The following CCSER1 variants were observed in gnomAD, a reference collection of about 807,000 sequenced individuals.
CCSER1 encodes the protein serine-rich coiled-coil domain-containing protein 1.
A neutral mutation model predicts 82.0 loss-of-function variants in CCSER1; 41 were observed. The observed-to-expected ratio is 0.50, with a 90% confidence interval of 0.39 to 0.65. The LOEUF is 0.65. Among genes scored for constraint, CCSER1 ranks in the 30% least tolerant of loss-of-function variants. CCSER1 has a pLI of 0.00. For missense variants in CCSER1, 1,119 were observed against 1,064.2 expected (o/e 1.05, Z -0.72); for synonymous variants, 414 against 383.9 (o/e 1.08, Z -0.92).
intron 10 of CCSER1, among the ~76,000 whole-genome samples, chr4:91,317,308 A>G (rs1419586940): frequency 1.3e-5 from 2 of 151,894 alleles, no homozygotes; most frequent in Non-Finnish European, 1.5e-5. Context: ...ACACATCCCT[A>G]TACTATAGGA....
chr4:90,197,436 C>A (rs1269051658), intron 1 of CCSER1, among the ~76,000 whole-genome samples: 4 of 152,086 alleles, frequency 2.6e-5, no homozygotes. Context: ...TGGGTATATA[C>A]CCCAAAGAAA....
At chr4:90,771,588 G>GAAAAA (rs1752181874) in intron 7 of CCSER1, among the ~76,000 whole-genome samples, 1 of 133,730 alleles carries the variant, frequency 7.5e-6, no homozygotes, top group Non-Finnish European at 1.6e-5. Flanking sequence ...AAAAAGAAAA[G>GAAAAA]AAAAAAATGC....
intron 7 of CCSER1, among the ~76,000 whole-genome samples, chr4:90,753,441 TAAGAG>T (rs1749027276): frequency 6.6e-6 from 1 of 152,082 alleles, no homozygotes; most frequent in Admixed American, 6.5e-5. Context: ...AAGCCAAAAA[TAAGAG>T]AGAGAGAGGA....
chr4:90,401,509 A>G (rs1234687006), intron 4 of CCSER1, among the ~76,000 whole-genome samples: 1 of 152,164 alleles, frequency 6.6e-6, no homozygotes, highest in African/African-American at 2.4e-5. Context: ...CTGCTATGGC[A>G]TTATTGTAAG....
At chr4:90,169,692 G>A (rs571724491) in intron 1 of CCSER1, among the ~76,000 whole-genome samples, 7 of 152,088 alleles carry the variant, frequency 4.6e-5, no homozygotes, top group African/African-American at 1.7e-4. Flanking sequence ...CACAAAAACG[G>A]TTTTATTGTG....
chr4:91,313,686 G>T (rs1221556801), intron 10 of CCSER1, among the ~76,000 whole-genome samples: 1 of 151,802 alleles, frequency 6.6e-6, no homozygotes, highest in East Asian at 1.9e-4. Context: ...TGCTTCTTGG[G>T]ATTCCACCTT....
intron 10 of CCSER1, among the ~76,000 whole-genome samples, chr4:91,097,335 G>GT (rs76699416): frequency 0.3 from 46,083 of 152,016 alleles, 8,097 homozygotes; most frequent in East Asian, 0.45. Context: ...GATTAAGGCT[G>GT]TTATTGGAAG....
At chr4:90,205,843 G>A (rs1327277447) in intron 1 of CCSER1, among the ~76,000 whole-genome samples, 2 of 151,950 alleles carry the variant, frequency 1.3e-5, no homozygotes, top group East Asian at 1.9e-4. Context: ...TTTTTTGGTT[G>A]GTAGGCTATT....
intron 10 of CCSER1, among the ~76,000 whole-genome samples, chr4:91,120,385 G>T (rs576082120): frequency 3.3e-5 from 5 of 151,996 alleles, no homozygotes; most frequent in African/African-American, 1.2e-4. Context: ...GATACTGAAA[G>T]ACAATGAGGT....
Position 90,309,004 on chromosome 4 carries a change from C to G in CCSER1, c.720C>G (p.Ser240Arg). Residue 240 changes from serine to arginine, a missense_variant, in exon 2 of 11, where the codon AGC becomes AGG. Transcript: ENST00000509176. ...TGGATGTAACAGAACGGGCAGGAAG[C>G]TCTTTACAATCTCCTTTGCTTTCTG... is the stretch of plus-strand genomic sequence containing the variant. The part of the protein sequence containing the change: ...CSVDVTERAG[S>R]SLQSPLLSAD... 3 of 1,613,822 alleles carry G rather than the reference C, an allele frequency of 1.9e-6. No individual in the cohort carries two copies. In the East Asian group the frequency reaches 6.7e-5, roughly 36 times the overall value.
Position 91,395,976 on chromosome 4 carries a change from C to T in CCSER1, c.2218-202596C>T, listed in dbSNP as rs369541258. Among the ~76,000 whole-genome samples the T allele has an allele frequency of 1.4e-4, 22 of 152,164 alleles. No individual in the cohort carries two copies. In the East Asian group the frequency reaches 2.3e-3, roughly 16 times the overall value. On this transcript the variant is annotated intron_variant, in intron 10 of 10. Coordinates refer to ENST00000509176, the MANE Select transcript of CCSER1 (RefSeq NM_001145065.2). ...ATAAAATATGAAGAATATATGTTTG[C>T]CTGGCTCCTGCCATGATGCCTGCCC...
intron 5 of CCSER1, among the ~76,000 whole-genome samples, chr4:90,497,931 T>C (rs1307046850): frequency 6.6e-6 from 1 of 151,588 alleles, no homozygotes; most frequent in East Asian, 1.9e-4. Context: ...GAGGGTGAGA[T>C]GGAATCATGA....
chr4:90,145,248 C>A lies in CCSER1; in HGVS notation c.-42+17417C>A, dbSNP rs186359752. 3.9e-3 allele frequency among the ~76,000 whole-genome samples: 599 copies of A among 152,076 alleles called. 6 individuals carry two copies. The Middle Eastern group carries it at 0.048, about 12-fold the overall frequency. On this transcript the variant is annotated intron_variant, in intron 1 of 10. Transcript: ENST00000509176. ...TAGGGTACCTTTTCAATTTAACAAACAAAATACATCATTTTTTATGCATAA... is the reference window on the plus strand; with the variant it reads ...TAGGGTACCTTTTCAATTTAACAAAAAAAATACATCATTTTTTATGCATAA...
At chr4:91,326,502 C>T (rs913314861) in intron 10 of CCSER1, among the ~76,000 whole-genome samples, 1 of 152,158 alleles carries the variant, frequency 6.6e-6, no homozygotes, top group Non-Finnish European at 1.5e-5. Context: ...ACCTTCAACA[C>T]TGGGGGATAA....
intron 10 of CCSER1, among the ~76,000 whole-genome samples, chr4:91,344,905 G>A (rs1747952520): frequency 1.3e-5 from 2 of 152,168 alleles, no homozygotes; most frequent in African/African-American, 4.8e-5. Flanking sequence ...AAGAGGTCGA[G>A]TATATCATTA....
chr4:90,918,273 T>A, intron 8 of CCSER1: 1 of 454,900 alleles, frequency 2.2e-6, no homozygotes, highest in African/African-American at 2.0e-5. Context: ...TGTTCCAAGT[T>A]TTTGAAAGTT....
At chr4:90,367,017 G>A (rs1027802949) in intron 3 of CCSER1, among the ~76,000 whole-genome samples, 1 of 151,762 alleles carries the variant, frequency 6.6e-6, no homozygotes, top group Admixed American at 6.6e-5. Context: ...CAATCACTGT[G>A]GAAAGCCAAT....
At chr4:91,201,348 G>A (rs149876115) in intron 10 of CCSER1, among the ~76,000 whole-genome samples, 2,209 of 152,082 alleles carry the variant, frequency 0.015, 26 homozygotes, top group Non-Finnish European at 0.024. Flanking sequence ...ATGAATAAAT[G>A]AATGAAAGAA....
chr4:90,613,790 A>G lies in CCSER1; in HGVS notation c.1725-14235A>G, dbSNP rs534634622. Among the ~76,000 whole-genome samples the G allele has an allele frequency of 2.6e-5, 4 of 152,252 alleles. No individual in the cohort carries two copies. The South Asian group carries it at 8.3e-4, about 32-fold the overall frequency. ...TTTCTTCCTGTGCAGGAAAAAACAA[A>G]CAGACATTCACATGGAAATAAAAAA... is the stretch of plus-strand genomic sequence containing the variant. On this transcript the variant is annotated intron_variant, in intron 5 of 10. Transcript: ENST00000509176.
Sources: gnomAD v4.1 joint callset for allele counts (sites outside exome capture counted in the v4.1 genomes callset) on GRCh38, gnomAD v4.1.1 for gene constraint, MANE v1.5 for transcripts, NCBI Gene and HGNC (gene_info 2026-07-23, HGNC 2026-07-21) for gene names.